The following PHF2 variants were observed in gnomAD, a reference collection of about 807,000 sequenced individuals.
PHF2 encodes the protein PHD finger protein 2, also known as lysine-specific demethylase PHF2.
PHF2 carries 27 observed loss-of-function variants against 120.5 expected under a neutral mutation model. The ratio of observed to expected loss-of-function variants is 0.22; its 90% CI spans 0.17 to 0.31. PHF2 has a LOEUF of 0.31. Ranked by LOEUF, PHF2 falls within the 10% of genes least tolerant of loss-of-function variation. PHF2 has a pLI of 1.00. For missense variants in PHF2, 1,024 were observed against 1,434.8 expected, an observed-to-expected ratio of 0.71 and a Z score of 4.63; for synonymous variants, 568 against 592.5, an observed-to-expected ratio of 0.96 and a Z score of 0.60.
chr9:93,604,551 G>C (rs1421911765), intron 1 of PHF2, among the ~76,000 whole-genome samples: 19 of 150,924 alleles, frequency 1.3e-4, no homozygotes, highest in Admixed American at 5.9e-4. Context: ...TGCAAGCTCC[G>C]CCTCCCGGGT....
At position 93,654,593 on chromosome 9, in the gene PHF2, T is replaced by C. The variant is rs777382067; in HGVS notation, c.952+18T>C. ...CCCCTCAGGTGAGTGCGGGCAGCTT[T>C]GGGGACCATGTACTAGGGCTTGCCG... On this transcript the variant is annotated intron_variant, in intron 7 of 21. Transcript: ENST00000359246. The C allele has an allele frequency of 1.9e-6, 3 of 1,608,974 alleles. No homozygotes were observed. Among genetic ancestry groups the C allele is most frequent in the Non-Finnish European group, 2.5e-6 (3 of 1,176,864 alleles).
chr9:93,655,795 G>A, intron 7 of PHF2, 139 bp from the exon 8 acceptor site: 1 of 636,560 alleles, frequency 1.6e-6, no homozygotes, highest in South Asian at 1.9e-5. Flanking sequence ...GGGCACCAAG[G>A]TGTAGGCGGG....
chr9:93,603,310 C>T (rs554324353), intron 1 of PHF2, among the ~76,000 whole-genome samples: 19 of 152,284 alleles, frequency 1.2e-4, no homozygotes, highest in Admixed American at 1.2e-3. Flanking sequence ...GCTGCCCTCC[C>T]GACCCCGACT....
intron 1 of PHF2, among the ~76,000 whole-genome samples, chr9:93,591,304 TTGGAA>T (rs546348830): frequency 4.7e-4 from 71 of 152,348 alleles, no homozygotes; most frequent in African/African-American, 1.7e-3. Context: ...AAACTACTCT[TTGGAA>T]AGGAAGATGT....
chr9:93,656,574 C>A lies in PHF2; in HGVS notation c.1126C>A (p.His376Asn), dbSNP rs1587710403. The A allele has an allele frequency of 1.9e-6, 3 of 1,613,516 alleles. No individual in the cohort carries two copies. The highest frequency in any genetic ancestry group is 2.5e-6 in the Non-Finnish European group (3 of 1,179,644). The change falls in exon 9 of 22, where the codon CAC becomes AAC. Residue 376 changes from histidine to asparagine, a missense_variant. Around this residue, in one of 2 missense-constraint regions of PHF2, gnomAD observed 347 missense variants for 577.4 expected, o/e 0.60. Coordinates refer to ENST00000359246, the MANE Select transcript of PHF2 (RefSeq NM_005392.4). The surrounding 1 kb of genome is among the most constrained non-coding windows in gnomAD (Gnocchi z 4.1). ...FETACWYMGK[H>N]LLEAFKGSHK... ...AACTGCGTGCTGGTACATGGGGAAG[C>A]ACCTGCTGGAGGCATTCAAAGGTAC...
intron 1 of PHF2, among the ~76,000 whole-genome samples, chr9:93,584,805 G>A (rs1436253561): frequency 3.3e-5 from 5 of 152,208 alleles, no homozygotes; most frequent in Non-Finnish European, 7.3e-5. Context: ...GATAGGGATT[G>A]TGTTCAGCCT....
At chr9:93,603,520 G>T (rs1178302710) in intron 1 of PHF2, among the ~76,000 whole-genome samples, 1 of 152,136 alleles carries the variant, frequency 6.6e-6, no homozygotes, top group Non-Finnish European at 1.5e-5. Context: ...CTCACCTTGG[G>T]ACCTACAGCT....
At chr9:93,641,072 G>T (rs1346662606) in intron 3 of PHF2, among the ~76,000 whole-genome samples, 3 of 152,132 alleles carry the variant, frequency 2.0e-5, no homozygotes, top group Non-Finnish European at 4.4e-5. Flanking sequence ...TATAATTTCA[G>T]GATTAAATCT....
At position 93,645,684 on chromosome 9, in the gene PHF2, G is replaced by A. The variant is rs1156337776; in HGVS notation, c.355G>A (p.Glu119Lys). The stretch of plus-strand genomic sequence containing the variant: ...AAGTCAGCTCACGCTGGGCTACATG[G>A]AGGAGCACGGCTTCACCGAGCCCAT... ...PGSQLTLGYM[E>K]EHGFTEPILV... Residue 119 changes from glutamate (E) to lysine (K), a missense_variant, in exon 4 of 22, where the codon GAG becomes AAG. Coordinates refer to ENST00000359246, the MANE Select transcript of PHF2 (RefSeq NM_005392.4). The A allele has an allele frequency of 6.2e-7, 1 of 1,612,924 alleles. No individual in the cohort carries two copies. Among genetic ancestry groups the A allele is most frequent in the Non-Finnish European group, 8.5e-7 (1 of 1,179,526 alleles).
chr9:93,585,533 G>A (rs1446881154), intron 1 of PHF2, among the ~76,000 whole-genome samples: 4 of 152,376 alleles, frequency 2.6e-5, no homozygotes, highest in African/African-American at 4.8e-5. Context: ...GAGAGCATGT[G>A]TAAAGCCCTT....
intron 3 of PHF2, among the ~76,000 whole-genome samples, chr9:93,638,019 T>G (rs1337208860): frequency 6.6e-6 from 1 of 152,240 alleles, no homozygotes; most frequent in African/African-American, 2.4e-5. Context: ...GATTTTCATT[T>G]CTCTAGTGAT....
chr9:93,598,327 C>A (rs1029996295), intron 1 of PHF2, among the ~76,000 whole-genome samples: 1 of 152,202 alleles, frequency 6.6e-6, no homozygotes, highest in South Asian at 2.1e-4. Context: ...GGCCGTGCTG[C>A]GGGAACCCTG....
intron 14 of PHF2, 44 bp from the exon 15 acceptor site, chr9:93,665,642 G>T: frequency 6.3e-7 from 1 of 1,598,184 alleles, no homozygotes; most frequent in Non-Finnish European, 8.5e-7. Flanking sequence ...TCCGCTGGCT[G>T]TGGGGCTATG....
chr9:93,598,020 C>T (rs1421806003), intron 1 of PHF2, among the ~76,000 whole-genome samples: 4 of 152,194 alleles, frequency 2.6e-5, no homozygotes, highest in Non-Finnish European at 4.4e-5. Flanking sequence ...GCCAGCTCAG[C>T]TGGCCATCAG....
At chr9:93,667,370 T>C (rs1339405440) in intron 17 of PHF2, 130 bp downstream of exon 17, 1 of 1,057,456 alleles carries the variant, frequency 9.5e-7, no homozygotes, top group Non-Finnish European at 1.3e-6. Flanking sequence ...CCCCTGGGCC[T>C]GGGCAGAAGG....
intron 1 of PHF2, among the ~76,000 whole-genome samples, chr9:93,597,614 T>G (rs1825359122): frequency 6.6e-6 from 1 of 152,120 alleles, no homozygotes; most frequent in Non-Finnish European, 1.5e-5. Context: ...GGCTTGAGTT[T>G]CAGGGTACAG....
rs1238521173 is a variant in PHF2, at chr9:93,645,753, C to T, written c.424C>T (p.Pro142Ser). The T allele has an allele frequency of 6.2e-7, 1 of 1,609,134 alleles. No individual in the cohort carries two copies. Among genetic ancestry groups the T allele is most frequent in the South Asian group, 1.1e-5 (1 of 90,602 alleles). Residue 142 changes from proline to serine, a missense_variant, in exon 4 of 22, where the codon CCC becomes TCC. By Grantham distance (74) the Pro-to-Ser change is moderately conservative. Transcript: ENST00000359246. ...KDGLGLAVPA[P>S]TFYVSDVENY... ...CGGGCTGGGTCTGGCTGTCCCGGCC[C>T]CCACGTTCTATGTCAGTGACGTCGA...
chr9:93,589,086 C>T (rs1863122033), intron 1 of PHF2, among the ~76,000 whole-genome samples: 1 of 152,120 alleles, frequency 6.6e-6, no homozygotes, highest in Non-Finnish European at 1.5e-5. Context: ...TTCCCAGGAC[C>T]CTCAAGGTCC....
intron 12 of PHF2, among the ~76,000 whole-genome samples, chr9:93,661,224 C>G (rs539600845): frequency 6.6e-6 from 1 of 152,114 alleles, no homozygotes; most frequent in Non-Finnish European, 1.5e-5. Context: ...CCATGAACCC[C>G]TGAAGCACCA....
Sources: gnomAD v4.1 joint callset for allele counts (sites outside exome capture counted in the v4.1 genomes callset) on GRCh38, gnomAD v4.1.1 for gene constraint, gnomAD v4.1.1 regional missense constraint, Gnocchi (gnomAD v3.1) non-coding constraint, MANE v1.5 for transcripts, NCBI Gene and HGNC (gene_info 2026-07-23, HGNC 2026-07-21) for gene names.